SNTG1: variants seen among roughly 807,000 people sequenced by gnomAD.
SNTG1 encodes the protein gamma-1-syntrophin.
In SNTG1, 39 loss-of-function variants were observed where a neutral mutation model predicts 74.7. The observed-to-expected ratio is 0.52, with a 90% CI of 0.40 to 0.68. SNTG1 has a LOEUF of 0.68. SNTG1 is among the 30% of genes least tolerant of loss of function. SNTG1 has a pLI of 0.00. For synonymous variants in SNTG1, 254 were observed against 217.1 expected (o/e 1.17, Z -1.49); for missense variants, 685 against 609.5 (o/e 1.12, Z -1.30).
At chr8:50,239,675 G>A (rs1188445333) in intron 2 of SNTG1, among the ~76,000 whole-genome samples, 1 of 152,188 alleles carries the variant, frequency 6.6e-6, no homozygotes. Context: ...GATTGTTGCA[G>A]TGTGTGGTTC....
chr8:50,586,233 A>G (rs1265252709), intron 12 of SNTG1, among the ~76,000 whole-genome samples: 2 of 152,228 alleles, frequency 1.3e-5, no homozygotes, highest in Admixed American at 1.3e-4. Context: ...ATTAATTATA[A>G]TCACTACTTA....
Position 50,312,555 on chromosome 8 carries a change from G to GA in SNTG1, c.-27-81652dup, listed in dbSNP as rs1242137506. On this transcript the variant is annotated intron_variant, in intron 2 of 18. Coordinates refer to ENST00000642720, the MANE Select transcript of SNTG1 (RefSeq NM_018967.5). ...TGCCTCAAGGAGGAAAGAGATTGTG[G>GA]AAAAAGTCAGTCTTTCACTCAGTAG... Among the ~76,000 whole-genome samples the GA allele has an allele frequency of 8.7e-5, 13 of 149,884 alleles. 3 individuals carry two copies. The highest frequency in any genetic ancestry group is 3.2e-4 in the African/African-American group (13 of 40,264).
chr8:50,024,487 C>T (rs1274568078), intron 1 of SNTG1, among the ~76,000 whole-genome samples: 3 of 152,074 alleles, frequency 2.0e-5, no homozygotes, highest in Non-Finnish European at 4.4e-5. Flanking sequence ...TGTTTCATTA[C>T]TCTCAATACA....
At chr8:50,150,483 G>T (rs937607620) in intron 1 of SNTG1, among the ~76,000 whole-genome samples, 12 of 152,134 alleles carry the variant, frequency 7.9e-5, no homozygotes, top group African/African-American at 2.7e-4. Flanking sequence ...GTTTTCAAAG[G>T]GAATGCTTCC....
At chr8:50,656,206 T>C (rs1231120483) in intron 13 of SNTG1, among the ~76,000 whole-genome samples, 1 of 152,168 alleles carries the variant, frequency 6.6e-6, no homozygotes. Context: ...GTCATACTTA[T>C]TTGTTAAGTG....
At chr8:50,034,200 A>T (rs559176274) in intron 1 of SNTG1, among the ~76,000 whole-genome samples, 1 of 152,356 alleles carries the variant, frequency 6.6e-6, no homozygotes, top group Non-Finnish European at 1.5e-5. Flanking sequence ...AAATAAATTC[A>T]GCAATTGGAT....
At chr8:49,960,769 ATG>A (rs1391853173) in intron 1 of SNTG1, among the ~76,000 whole-genome samples, 3 of 152,146 alleles carry the variant, frequency 2.0e-5, no homozygotes, top group Non-Finnish European at 4.4e-5. Flanking sequence ...CTCAAAGCCC[ATG>A]TGACTCTCTG....
intron 1 of SNTG1, among the ~76,000 whole-genome samples, chr8:50,081,303 G>A (rs1331936848): frequency 2.6e-5 from 4 of 151,998 alleles, no homozygotes; most frequent in Non-Finnish European, 4.4e-5. Flanking sequence ...CAATAATCAT[G>A]TTGTATATGA....
chr8:50,204,348 T>A (rs866025793), intron 2 of SNTG1, among the ~76,000 whole-genome samples: 23 of 152,120 alleles, frequency 1.5e-4, no homozygotes, highest in African/African-American at 5.3e-4. Flanking sequence ...ACACTCAGTA[T>A]CTGGGCATGA....
At chr8:50,148,715 A>G (rs1374766501) in intron 1 of SNTG1, among the ~76,000 whole-genome samples, 3 of 152,212 alleles carry the variant, frequency 2.0e-5, no homozygotes, top group Non-Finnish European at 4.4e-5. Context: ...CCATGTCCAT[A>G]CAAAGGACAT....
chr8:50,664,914 C>T (rs1187447615), intron 15 of SNTG1, among the ~76,000 whole-genome samples: 1 of 152,076 alleles, frequency 6.6e-6, no homozygotes, highest in African/African-American at 2.4e-5. Context: ...ATCATTTGGC[C>T]AGGAAACCCT....
intron 4 of SNTG1, among the ~76,000 whole-genome samples, chr8:50,437,765 C>T (rs766167959): frequency 2.0e-5 from 3 of 152,092 alleles, no homozygotes; most frequent in African/African-American, 4.8e-5. Flanking sequence ...AGCATGCCTC[C>T]GCAGTAAGCA....
At position 50,494,161 on chromosome 8, in the gene SNTG1, A is replaced by G. The variant is rs561722507; in HGVS notation, c.364-8617A>G. Among the ~76,000 whole-genome samples, 4 of 151,834 alleles carry G rather than the reference A, an allele frequency of 2.6e-5. No individual in the cohort carries two copies. The East Asian group carries it at 7.7e-4, about 29-fold the overall frequency. On this transcript the variant is annotated intron_variant, in intron 8 of 18. Transcript: ENST00000642720. ...CACACATATATATATACACATATAT[A>G]TATGTACACACACACATACAACTTG...
chr8:50,246,392 AATG>A (rs1270131927), intron 2 of SNTG1, among the ~76,000 whole-genome samples: 2 of 152,112 alleles, frequency 1.3e-5, no homozygotes, highest in Admixed American at 1.3e-4. Context: ...CACTTTTGTA[AATG>A]ATGATACCAG....
At chr8:50,413,752 A>C (rs1026460522) in intron 4 of SNTG1, among the ~76,000 whole-genome samples, 2 of 152,020 alleles carry the variant, frequency 1.3e-5, no homozygotes, top group African/African-American at 2.4e-5. Flanking sequence ...GTTTTTTCAT[A>C]TTTTGAACTT....
At chr8:50,761,922 T>C (rs1004712771) in intron 18 of SNTG1, among the ~76,000 whole-genome samples, 3 of 152,000 alleles carry the variant, frequency 2.0e-5, no homozygotes, top group Non-Finnish European at 4.4e-5. Context: ...ATATTACACA[T>C]AAATCACACT....
chr8:50,293,765 A>T (rs528322770), intron 2 of SNTG1, among the ~76,000 whole-genome samples: 1 of 152,150 alleles, frequency 6.6e-6, no homozygotes, highest in Non-Finnish European at 1.5e-5. Context: ...AAACACAGTC[A>T]TATCTGTAGT....
intron 15 of SNTG1, among the ~76,000 whole-genome samples, chr8:50,683,572 C>T (rs2095339735): frequency 6.6e-6 from 1 of 152,134 alleles, no homozygotes; most frequent in Non-Finnish European, 1.5e-5. Flanking sequence ...CAAAGATCTG[C>T]AATTTTTACA....
intron 18 of SNTG1, among the ~76,000 whole-genome samples, chr8:50,787,217 T>C (rs1315325027): frequency 6.6e-6 from 1 of 151,842 alleles, no homozygotes; most frequent in Non-Finnish European, 1.5e-5. Flanking sequence ...ATTCAAATTG[T>C]CAATAAGCAC....
Sources: gnomAD v4.1 joint callset for allele counts (sites outside exome capture counted in the v4.1 genomes callset) on GRCh38, gnomAD v4.1.1 for gene constraint, MANE v1.5 for transcripts, NCBI Gene and HGNC (gene_info 2026-07-23, HGNC 2026-07-21) for gene names.